The following KCNQ1 variants were observed in gnomAD, a reference collection of about 807,000 sequenced individuals.
KCNQ1 encodes potassium voltage-gated channel subfamily KQT member 1.
In KCNQ1, 49 loss-of-function variants were observed where a neutral mutation model predicts 72.4. The observed-to-expected ratio is 0.68, with a 90% CI of 0.54 to 0.86. The LOEUF (loss-of-function observed/expected upper bound fraction) is 0.86. Among genes scored for constraint, KCNQ1 ranks in the 40% least tolerant of loss-of-function variants. The pLI, the probability that KCNQ1 is intolerant of heterozygous loss-of-function variation, is 0.00. For synonymous variants in KCNQ1, 450 were observed against 412.6 expected, an observed-to-expected ratio of 1.09 and a Z score of -1.10; for missense variants, 790 against 945.1, an observed-to-expected ratio of 0.84 and a Z score of 2.15.
chr11:2,662,785 G>A (rs1378252419), intron 11 of KCNQ1: 2 of 398,996 alleles, frequency 5.0e-6, no homozygotes, highest in East Asian at 7.1e-5. Context: ...CTTGATAAAT[G>A]TCTTTGTGTC....
rs547867699 is a variant in KCNQ1, at chr11:2,800,092, G to A, written c.1794+22055G>A. Among the ~76,000 whole-genome samples, 53 of 152,334 alleles carry A rather than the reference G, an allele frequency of 3.5e-4. No individual in the cohort carries two copies. The South Asian group carries it at 5.8e-3, about 17-fold the overall frequency. On this transcript the variant is annotated intron_variant, in intron 15 of 15. Coordinates refer to ENST00000155840, the MANE Select transcript of KCNQ1 (RefSeq NM_000218.3). Reference sequence around the variant, plus strand: ...GGCTGCTGGGACCTGGGGGCTGTGAGCAGATGCAGACGTCCACAGTTCCCA... The same window carrying A: ...GGCTGCTGGGACCTGGGGGCTGTGAACAGATGCAGACGTCCACAGTTCCCA...
chr11:2,754,454 C>G (rs1364200054), intron 11 of KCNQ1, among the ~76,000 whole-genome samples: 1 of 152,182 alleles, frequency 6.6e-6, no homozygotes, highest in Non-Finnish European at 1.5e-5. Context: ...AAGGAAGGGC[C>G]CTGCCTTCCA....
intron 15 of KCNQ1, among the ~76,000 whole-genome samples, chr11:2,833,250 T>C (rs2134071222): frequency 6.6e-6 from 1 of 152,182 alleles, no homozygotes; most frequent in East Asian, 1.9e-4. Flanking sequence ...CCTTCTTGCT[T>C]CCCTGAGGGA....
At chr11:2,675,718 G>A in intron 11 of KCNQ1, 2 of 398,644 alleles carry the variant, frequency 5.0e-6, no homozygotes, top group Non-Finnish European at 8.8e-6. Flanking sequence ...CTTTGTGCTG[G>A]AGCAGCCCCT....
chr11:2,558,113 G>A (rs2283165), intron 2 of KCNQ1, among the ~76,000 whole-genome samples: 17,948 of 152,194 alleles, frequency 0.12, 1,375 homozygotes, highest in East Asian at 0.28. Flanking sequence ...TGGGAAGTGC[G>A]GGCCCTGTAG....
At chr11:2,736,217 C>G (rs189031891) in intron 11 of KCNQ1, among the ~76,000 whole-genome samples, 1 of 152,346 alleles carries the variant, frequency 6.6e-6, no homozygotes, top group East Asian at 1.9e-4. Context: ...CTTTCCTAAC[C>G]AGCAGTCCAG....
intron 10 of KCNQ1, chr11:2,637,387 G>T (rs936868842): frequency 1.3e-5 from 2 of 152,154 alleles, no homozygotes; most frequent in African/African-American, 2.4e-5. Context: ...TTGTGTCTTT[G>T]TTCTCATTGG....
chr11:2,666,314 C>A (rs1008121588), intron 11 of KCNQ1: 4 of 398,556 alleles, frequency 1.0e-5, no homozygotes, highest in Non-Finnish European at 1.8e-5. Flanking sequence ...GCTGCAGAGA[C>A]CCCCACCAGG....
rs962488211 is a variant in KCNQ1, at chr11:2,536,869, C to T, written c.477+8851C>T. 1.3e-5 allele frequency among the ~76,000 whole-genome samples: 2 copies of T among 152,014 alleles called. No homozygotes were observed. Among genetic ancestry groups the T allele is most frequent in the Non-Finnish European group, 2.9e-5 (2 of 68,016 alleles). ...GGGCAGGGCTGGTTCTTCTGAGGCC[C>T]CTCCCGGCTTCTGAGGGTGGCTAGC... On this transcript the variant is annotated intron_variant, in intron 2 of 15. Coordinates refer to ENST00000155840, the MANE Select transcript of KCNQ1 (RefSeq NM_000218.3). This position sits in a 1 kb window ranked among gnomAD's most constrained non-coding sequence, Gnocchi z 7.4.
chr11:2,596,163 A>T (rs893740567), intron 10 of KCNQ1, among the ~76,000 whole-genome samples: 1 of 152,240 alleles, frequency 6.6e-6, no homozygotes, highest in Non-Finnish European at 1.5e-5. Context: ...ATATAAAATG[A>T]GGGAGATGGA....
At chr11:2,616,076 C>T in intron 10 of KCNQ1, 1 of 397,800 alleles carries the variant, frequency 2.5e-6, no homozygotes, top group East Asian at 3.6e-5. Context: ...CTGTTTTGGT[C>T]TGTATTAGTA....
Position 2,677,131 on chromosome 11 carries a change from C to G in KCNQ1, c.1514+15050C>G. On this transcript the variant is annotated intron_variant, in intron 11 of 15. Coordinates refer to ENST00000155840, the MANE Select transcript of KCNQ1 (RefSeq NM_000218.3). The surrounding 1 kb of genome is among the most constrained non-coding windows in gnomAD (Gnocchi z 4.5). ...TGAAATTAGTTTCCCTGAAACATCC[C>G]TCCCTATTGAACACTGTTGTTTCTC... 2.5e-6 allele frequency: 1 copy of G among 398,578 alleles called. No individual in the cohort carries two copies. Among genetic ancestry groups the G allele is most frequent in the Non-Finnish European group, 4.4e-6 (1 of 226,054 alleles). 24.7% of individuals were successfully genotyped at this position (398,578 alleles called of 1,614,324 possible). A position where few individuals can be genotyped will look rare whatever the true frequency, so the allele number is the denominator to read the frequency against.
rs1849217542 is a variant in KCNQ1 at position 2,623,894 on chromosome 11, G to A, written c.1393+35040G>A. ...GGGGGATATGTATACACATTCAGAA[G>A]TGGAATTGATGGATCCTATGATAAT... is the stretch of plus-strand genomic sequence containing the variant. On this transcript the variant is annotated intron_variant, in intron 10 of 15. Transcript: ENST00000155840. This position sits in a 1 kb window ranked among gnomAD's most constrained non-coding sequence, Gnocchi z 5.2. 1 of 398,492 alleles carries A rather than the reference G, an allele frequency of 2.5e-6. No homozygotes were observed. Among genetic ancestry groups the A allele is most frequent in the African/African-American group, 2.1e-5 (1 of 48,630 alleles). The allele number at this position is 398,492 out of a possible 1,614,324, so 24.7% of individuals were successfully genotyped here. A position where few individuals can be genotyped will look rare whatever the true frequency, so the allele number is the denominator to read the frequency against.
At chr11:2,506,900 C>A (rs1019524013) in intron 1 of KCNQ1, among the ~76,000 whole-genome samples, 3 of 152,180 alleles carry the variant, frequency 2.0e-5, no homozygotes, top group Admixed American at 6.5e-5. Flanking sequence ...TCATTTCCAA[C>A]TTCTTCCATT....
rs185776126 is a variant in KCNQ1, at chr11:2,820,593, A to T, written c.1795-27174A>T. Among the ~76,000 whole-genome samples, 243 of 146,318 alleles carry T rather than the reference A, an allele frequency of 1.7e-3. 3 individuals are homozygous for T. The East Asian group carries it at 0.022, about 13-fold the overall frequency. On this transcript the variant is annotated intron_variant, in intron 15 of 15. Coordinates refer to ENST00000155840, the MANE Select transcript of KCNQ1 (RefSeq NM_000218.3). Reference sequence around the variant, plus strand: ...TTGTTTGTTTGTTTGTTTGTTTGTTAGTTTCACCCACTGTGGTTTGTCAGT... The same window carrying T: ...TTGTTTGTTTGTTTGTTTGTTTGTTTGTTTCACCCACTGTGGTTTGTCAGT...
chr11:2,737,866 T>TAA (rs965358076), intron 11 of KCNQ1, among the ~76,000 whole-genome samples: 29 of 152,162 alleles, frequency 1.9e-4, no homozygotes, highest in African/African-American at 7.0e-4. Context: ...GAGGCGGTCA[T>TAA]AATACAGGAG....
chr11:2,626,918 T>A lies in KCNQ1; in HGVS notation c.1394-35043T>A, dbSNP rs1268743410. ...TTAGCTATTCAAGGTCCCTTGAGAT[T>A]CCATGTGAATTTTAGGATGGGGTTT... On this transcript the variant is annotated intron_variant, in intron 10 of 15. Transcript: ENST00000155840. This position sits in a 1 kb window ranked among gnomAD's most constrained non-coding sequence, Gnocchi z 4.0. 5 of 398,546 alleles carry A rather than the reference T, an allele frequency of 1.3e-5. No individual in the cohort carries two copies. In the East Asian group the frequency reaches 1.8e-4, roughly 14 times the overall value. The allele number at this position is 398,546 out of a possible 1,614,324, so 24.7% of individuals were successfully genotyped here. A position where few individuals can be genotyped will look rare whatever the true frequency, so the allele number is the denominator to read the frequency against.
chr11:2,533,261 T>G (rs952173553), intron 2 of KCNQ1, among the ~76,000 whole-genome samples: 5 of 152,146 alleles, frequency 3.3e-5, no homozygotes, highest in African/African-American at 1.2e-4. Context: ...GATTAGGCAT[T>G]CTGCTGAACC....
rs1202012215 is a variant in KCNQ1, at chr11:2,848,558, G to A, written c.*555G>A. 6.6e-6 allele frequency: 3 copies of A among 454,298 alleles called. No individual in the cohort carries two copies. Among genetic ancestry groups the A allele is most frequent in the South Asian group, 1.6e-5 (1 of 64,482 alleles). 28.1% of individuals were successfully genotyped at this position (454,298 alleles called of 1,614,324 possible). On this transcript the variant is annotated 3_prime_UTR_variant, in exon 16 of 16. Coordinates refer to ENST00000155840, the MANE Select transcript of KCNQ1 (RefSeq NM_000218.3). ...TCACTCTCAGGAAATGCTGACCCAT[G>A]GGCAGGAGACTGTGGAGACTGCTCC...
Sources: gnomAD v4.1 joint callset for allele counts (sites outside exome capture counted in the v4.1 genomes callset) on GRCh38, gnomAD v4.1.1 for gene constraint, Gnocchi (gnomAD v3.1) non-coding constraint, MANE v1.5 for transcripts, NCBI Gene and HGNC (gene_info 2026-07-23, HGNC 2026-07-21) for gene names.